GRM7: variants seen among roughly 807,000 people sequenced by gnomAD.
GRM7 encodes the protein glutamate metabotropic receptor 7.
In GRM7, 35 loss-of-function variants were observed where a neutral mutation model predicts 84.5. The ratio of observed to expected loss-of-function variants is 0.41; its 90% CI spans 0.32 to 0.55. GRM7 has a LOEUF of 0.55. Ranked by LOEUF, GRM7 falls within the 20% of genes least tolerant of loss-of-function variation. The pLI is 0.19. For missense variants in GRM7, 1,003 were observed against 1,194.6 expected, an observed-to-expected ratio of 0.84 and a Z score of 2.36; for synonymous variants, 487 against 455.1, an observed-to-expected ratio of 1.07 and a Z score of -0.89.
At chr3:7,269,112 C>G (rs576315318) in intron 2 of GRM7, among the ~76,000 whole-genome samples, 1 of 152,218 alleles carries the variant, frequency 6.6e-6, no homozygotes, top group Non-Finnish European at 1.5e-5. Context: ...ATCAGAACCA[C>G]ATGACCTGGA....
At chr3:7,673,581 G>A (rs1291988120) in intron 8 of GRM7, among the ~76,000 whole-genome samples, 3 of 150,790 alleles carry the variant, frequency 2.0e-5, no homozygotes, top group Non-Finnish European at 4.4e-5. Context: ...ATGTTTAATA[G>A]CTAAGAAACC....
At chr3:7,047,022 C>A (rs1696827650) in intron 1 of GRM7, among the ~76,000 whole-genome samples, 1 of 151,924 alleles carries the variant, frequency 6.6e-6, no homozygotes, top group South Asian at 2.1e-4. Context: ...TGAGGCAGAT[C>A]CAAGGATGAA....
intron 1 of GRM7, among the ~76,000 whole-genome samples, chr3:7,005,969 G>A (rs905088036): frequency 3.3e-5 from 5 of 152,138 alleles, no homozygotes; most frequent in Admixed American, 1.3e-4. Flanking sequence ...CTCAGGTAAC[G>A]AAGGGGATAT....
intron 2 of GRM7, among the ~76,000 whole-genome samples, chr3:7,201,509 G>A (rs1030117851): frequency 2.0e-5 from 3 of 152,042 alleles, no homozygotes; most frequent in Non-Finnish European, 4.4e-5. Context: ...ATCCTCTATA[G>A]AGGCCACAAG....
intron 4 of GRM7, among the ~76,000 whole-genome samples, chr3:7,354,188 G>T (rs1246312887): frequency 6.6e-6 from 1 of 152,120 alleles, no homozygotes; most frequent in Non-Finnish European, 1.5e-5. Context: ...CCTTTTACCA[G>T]GATAACTGTG....
intron 8 of GRM7, among the ~76,000 whole-genome samples, chr3:7,658,120 T>C (rs1375196021): frequency 1.3e-5 from 2 of 152,228 alleles, no homozygotes; most frequent in Non-Finnish European, 2.9e-5. Context: ...TATGGCTGCA[T>C]GGAGGAAGAA....
intron 1 of GRM7, among the ~76,000 whole-genome samples, chr3:6,900,509 C>T (rs192844728): frequency 5.3e-5 from 8 of 152,118 alleles, no homozygotes; most frequent in Non-Finnish European, 7.4e-5. Context: ...ATAACCTTTG[C>T]CCTGAATAGG....
chr3:6,872,195 C>T (rs1046935997), intron 1 of GRM7, among the ~76,000 whole-genome samples: 8 of 152,250 alleles, frequency 5.3e-5, no homozygotes, highest in East Asian at 1.9e-4. Flanking sequence ...AATGCTGTCC[C>T]GCCATCCTTA....
At chr3:7,280,486 T>C (rs2124994559) in intron 2 of GRM7, among the ~76,000 whole-genome samples, 1 of 152,336 alleles carries the variant, frequency 6.6e-6, no homozygotes, top group Admixed American at 6.5e-5. Context: ...ATTAGCTGTG[T>C]GACCCTAGGC....
intron 1 of GRM7, among the ~76,000 whole-genome samples, chr3:7,123,475 T>C (rs1429874025): frequency 6.6e-6 from 1 of 152,020 alleles, no homozygotes; most frequent in Non-Finnish European, 1.5e-5. Context: ...AAAAATTAGA[T>C]GGGTGTGGTG....
chr3:7,611,373 G>T (rs1425314199), intron 8 of GRM7, among the ~76,000 whole-genome samples: 1 of 152,108 alleles, frequency 6.6e-6, no homozygotes, highest in Non-Finnish European at 1.5e-5. Flanking sequence ...GAAGAAACAT[G>T]GGGATGCAGA....
At chr3:7,286,886 A>G (rs1262480289) in intron 2 of GRM7, among the ~76,000 whole-genome samples, 1 of 152,196 alleles carries the variant, frequency 6.6e-6, no homozygotes, top group Non-Finnish European at 1.5e-5. Context: ...ATGCCACAAA[A>G]GACAAATATA....
At chr3:7,096,588 T>C (rs79761050) in intron 1 of GRM7, among the ~76,000 whole-genome samples, 223 of 151,950 alleles carry the variant, frequency 1.5e-3, no homozygotes, top group African/African-American at 5.0e-3. Flanking sequence ...GTGTCCAGAG[T>C]TTTTATGGGG....
intron 4 of GRM7, among the ~76,000 whole-genome samples, chr3:7,321,569 T>C (rs1700783388): frequency 6.6e-6 from 1 of 152,032 alleles, no homozygotes; most frequent in Non-Finnish European, 1.5e-5. Context: ...TTCTATTTTA[T>C]TTCATAGTTT....
chr3:7,235,811 G>T (rs1697330225), intron 2 of GRM7, among the ~76,000 whole-genome samples: 1 of 152,070 alleles, frequency 6.6e-6, no homozygotes, highest in South Asian at 2.1e-4. Flanking sequence ...TTTTTCACTT[G>T]TGAGAGAAAT....
intron 4 of GRM7, among the ~76,000 whole-genome samples, chr3:7,327,685 T>C (rs1701040813): frequency 6.6e-6 from 1 of 152,208 alleles, no homozygotes; most frequent in Admixed American, 6.5e-5. Context: ...TTTTGCTCTT[T>C]AATCTCTAAT....
At chr3:7,478,515 T>C (rs1313276541) in intron 7 of GRM7, among the ~76,000 whole-genome samples, 1 of 152,238 alleles carries the variant, frequency 6.6e-6, no homozygotes, top group African/African-American at 2.4e-5. Flanking sequence ...CTCTTTCTTT[T>C]TGCCAAGAGC....
At chr3:7,446,513 T>C (rs897587405) in intron 5 of GRM7, among the ~76,000 whole-genome samples, 8 of 148,772 alleles carry the variant, frequency 5.4e-5, no homozygotes, top group African/African-American at 2.0e-4. Context: ...CAGGCTGAAG[T>C]GTAGTGGCGC....
chr3:7,543,081 A>T (rs559451251), intron 7 of GRM7, among the ~76,000 whole-genome samples: 1 of 152,280 alleles, frequency 6.6e-6, no homozygotes, highest in Non-Finnish European at 1.5e-5. Context: ...TGAACAAATG[A>T]ATGAATGAAT....
Sources: allele counts gnomAD v4.1 joint callset (sites outside exome capture counted in the v4.1 genomes callset), GRCh38; gene constraint gnomAD v4.1.1; transcripts MANE v1.5; gene names NCBI Gene and HGNC (gene_info 2026-07-23, HGNC 2026-07-21).